STK33: variants seen among roughly 807,000 people sequenced by gnomAD.
STK33 encodes serine/threonine-protein kinase 33.
STK33 carries 52 observed loss-of-function variants against 58.0 expected under a neutral mutation model. That is an observed-to-expected ratio of 0.90 (90% confidence interval 0.72 to 1.13). STK33 has a LOEUF of 1.13. Ranked by LOEUF, STK33 falls within the 50% of genes most tolerant of loss-of-function variation. STK33 has a pLI of 0.00. For missense variants in STK33, 630 were observed against 604.2 expected (o/e 1.04, Z -0.45); for synonymous variants, 215 against 200.1 (o/e 1.07, Z -0.63).
At chr11:8,590,330 T>C (rs981423992) in intron 1 of STK33, among the ~76,000 whole-genome samples, 4 of 152,196 alleles carry the variant, frequency 2.6e-5, no homozygotes, top group Non-Finnish European at 5.9e-5. Context: ...AATACAATAT[T>C]CTAGAACTGT....
intron 1 of STK33, among the ~76,000 whole-genome samples, chr11:8,538,910 A>C (rs1955274120): frequency 6.6e-6 from 1 of 152,246 alleles, no homozygotes; most frequent in South Asian, 2.1e-4. Flanking sequence ...GATGATAATT[A>C]CAGGCCAATG....
intron 1 of STK33, among the ~76,000 whole-genome samples, chr11:8,494,698 T>C (rs887957913): frequency 6.6e-6 from 1 of 151,942 alleles, no homozygotes; most frequent in Non-Finnish European, 1.5e-5. Context: ...TCAAACTATA[T>C]ACAAGGCTAC....
At chr11:8,469,676 T>C (rs11041939) in intron 6 of STK33, among the ~76,000 whole-genome samples, 8,938 of 152,310 alleles carry the variant, frequency 0.059, 454 homozygotes, top group East Asian at 0.27. Flanking sequence ...CTGTGGCAGA[T>C]ATAACCTTAT....
At chr11:8,449,525 C>A (rs931287581) in intron 11 of STK33, among the ~76,000 whole-genome samples, 1 of 150,718 alleles carries the variant, frequency 6.6e-6, no homozygotes, top group Non-Finnish European at 1.5e-5. Flanking sequence ...AGCAAACTAT[C>A]GCAAGGACAA....
the STK33 span, among the ~76,000 whole-genome samples, chr11:8,372,078 A>G: frequency 6.6e-6 from 1 of 152,122 alleles, no homozygotes; most frequent in Admixed American, 6.5e-5. Flanking sequence ...TTTGTTGCCC[A>G]GGCTGATCCT....
In STK33 at chr11:8,405,870, C is replaced by G. The variant is rs1033722783; in HGVS notation, c.1344+7625G>C. 3.3e-5 allele frequency among the ~76,000 whole-genome samples: 5 copies of G among 152,164 alleles called. No homozygotes were observed. The East Asian group carries it at 5.8e-4, about 18-fold the overall frequency. ...AAAAATCAACTGACTGGGCCGGGCGCGGTGGCTCACGCCTGTAATCCCAGC... is the reference window on the plus strand; with the variant it reads ...AAAAATCAACTGACTGGGCCGGGCGGGGTGGCTCACGCCTGTAATCCCAGC... On this transcript the variant is annotated intron_variant, in intron 15 of 15. Transcript: ENST00000687296.
intron 14 of STK33, among the ~76,000 whole-genome samples, chr11:8,425,168 T>C (rs1398334491): frequency 6.6e-6 from 1 of 151,926 alleles, no homozygotes; most frequent in Non-Finnish European, 1.5e-5. Flanking sequence ...TTGTATAAGG[T>C]GTAAGGAAGG....
intron 1 of STK33, among the ~76,000 whole-genome samples, chr11:8,567,776 G>C (rs1957546699): frequency 1.3e-5 from 2 of 152,136 alleles, no homozygotes; most frequent in African/African-American, 2.4e-5. Flanking sequence ...TCCAGGCTTT[G>C]AACTCCTTTT....
intron 1 of STK33, among the ~76,000 whole-genome samples, chr11:8,591,696 G>T (rs1320402832): frequency 6.6e-6 from 1 of 152,120 alleles, no homozygotes; most frequent in Non-Finnish European, 1.5e-5. Context: ...GGACATGGAT[G>T]AAACTGGAAA....
the STK33 span, among the ~76,000 whole-genome samples, chr11:8,371,486 C>A: frequency 6.6e-6 from 1 of 152,200 alleles, no homozygotes; most frequent in African/African-American, 2.4e-5. Context: ...TGAGGAAATG[C>A]ATTTCTGTTG....
chr11:8,564,073 G>C (rs1477283706), intron 1 of STK33, among the ~76,000 whole-genome samples: 2 of 152,200 alleles, frequency 1.3e-5, no homozygotes, highest in African/African-American at 4.8e-5. Context: ...TTCAGGAGCG[G>C]AGTGGCATAA....
intron 15 of STK33, among the ~76,000 whole-genome samples, chr11:8,410,461 TTTTC>T (rs1940020693): frequency 8.3e-6 from 1 of 120,644 alleles, no homozygotes; most frequent in African/African-American, 3.6e-5. Context: ...ATCTATTTTC[TTTTC>T]TTTTCTTTTT....
At chr11:8,354,116 C>T in the STK33 span, among the ~76,000 whole-genome samples, 1 of 152,136 alleles carries the variant, frequency 6.6e-6, no homozygotes, top group Non-Finnish European at 1.5e-5. Context: ...TTGCAAACTG[C>T]AAGGTGAGCC....
chr11:8,475,191 A>T (rs1949154018), intron 4 of STK33, 125 bp from the exon 5 acceptor site: 2 of 279,134 alleles, frequency 7.2e-6, no homozygotes, highest in Non-Finnish European at 1.3e-5. Flanking sequence ...ACAAAATAGG[A>T]CCACAAAACT....
chr11:8,410,470 C>CTTTTT, intron 15 of STK33, among the ~76,000 whole-genome samples: 377 of 121,670 alleles, frequency 3.1e-3, no homozygotes, highest in Non-Finnish European at 4.0e-3. Context: ...CTTTTCTTTT[C>CTTTTT]TTTTTTTTTT....
At chr11:8,491,651 C>T (rs962967568) in intron 1 of STK33, among the ~76,000 whole-genome samples, 1 of 152,056 alleles carries the variant, frequency 6.6e-6, no homozygotes, top group Non-Finnish European at 1.5e-5. Flanking sequence ...GTCAGATTTA[C>T]CAAGATTGAA....
At chr11:8,448,203 C>G (rs1945765638) in intron 11 of STK33, among the ~76,000 whole-genome samples, 1 of 152,146 alleles carries the variant, frequency 6.6e-6, no homozygotes, top group Non-Finnish European at 1.5e-5. Flanking sequence ...AATGGCCATA[C>G]TGTCCAAGGT....
intron 11 of STK33, among the ~76,000 whole-genome samples, chr11:8,448,859 G>GTTCAGCACACCAACAT (rs1565013342): frequency 6.6e-6 from 1 of 151,828 alleles, no homozygotes; most frequent in Admixed American, 6.5e-5. Flanking sequence ...CTACGGAATG[G>GTTCAGCACACCAACAT]GAGAAAATTG....
chr11:8,552,768 T>C (rs1365516512), intron 1 of STK33, among the ~76,000 whole-genome samples: 1 of 152,098 alleles, frequency 6.6e-6, no homozygotes, highest in East Asian at 1.9e-4. Context: ...AAAAATGCCT[T>C]CTTCTGGATA....
Sources: allele counts gnomAD v4.1 joint callset (sites outside exome capture counted in the v4.1 genomes callset), GRCh38; gene constraint gnomAD v4.1.1; transcripts MANE v1.5; gene names NCBI Gene and HGNC (gene_info 2026-07-23, HGNC 2026-07-21).